Variants in AVEN observed in about 807,000 individuals in gnomAD.
AVEN encodes apoptosis and caspase activation inhibitor, also known as cell death regulator Aven.
Under a neutral mutation model 38.1 loss-of-function variants are expected in AVEN, and 41 were observed. The ratio of observed to expected loss-of-function variants is 1.08; its 90% CI spans 0.84 to 1.40. The LOEUF (loss-of-function observed/expected upper bound fraction) is 1.40. AVEN is among the 40% of genes most tolerant of loss of function. The pLI is 0.00. For missense variants in AVEN, 605 were observed against 438.8 expected (o/e 1.38, Z -3.38); for synonymous variants, 206 against 171.8 (o/e 1.20, Z -1.56).
chr15:34,063,042 C>G lies in AVEN; in HGVS notation n.1517G>C, dbSNP rs1227060620. 1 of 1,614,254 alleles carries G rather than the reference C, an allele frequency of 6.2e-7. No homozygotes were observed. ...TCTGGCTTGTGACCTTTGGCTTGCA[C>G]TGGACTACGTGGCCAGCAACGCTTC... On this transcript the variant is annotated non_coding_transcript_exon_variant, in exon 5 of 12. Coordinates refer to the AVEN transcript ENST00000675287. This position sits in a 1 kb window ranked among gnomAD's most constrained non-coding sequence, Gnocchi z 4.1.
the AVEN span, chr15:33,852,972 A>AGAT: frequency 7.5e-7 from 1 of 1,328,808 alleles, no homozygotes; most frequent in Non-Finnish European, 1.1e-6. Flanking sequence ...AGGCACTCAA[A>AGAT]CTGAAACGTT....
chr15:34,073,420 C>A (rs1412659118), intron 1 of AVEN, among the ~76,000 whole-genome samples: 1 of 146,198 alleles, frequency 6.8e-6, no homozygotes, highest in Non-Finnish European at 1.5e-5. Context: ...ATGCTCATAT[C>A]TTGCAGAAAA....
downstream of AVEN, among the ~76,000 whole-genome samples, chr15:33,855,204 C>CTTTT (rs201635608): frequency 2.7e-5 from 4 of 147,478 alleles, no homozygotes; most frequent in Non-Finnish European, 3.0e-5. Flanking sequence ...CCTTGGAGAT[C>CTTTT]TTTTTTTTTT....
chr15:34,068,339 G>T (rs1900558906), intron 2 of AVEN, among the ~76,000 whole-genome samples: 1 of 151,412 alleles, frequency 6.6e-6, no homozygotes, highest in African/African-American at 2.4e-5. Context: ...CCAAGTAGCT[G>T]GGATTACAGA....
In AVEN at chr15:33,890,969, C is replaced by T. The variant is rs571547299; in HGVS notation, c.446-14974G>A. On this transcript the variant is annotated intron_variant, in intron 2 of 5. Transcript: ENST00000306730. ...CCAAAAATTTAAAGAATTAGCGGAGCGTGGTGGTGCACATGTGTAGTCCCA... is the reference window on the plus strand; with the variant it reads ...CCAAAAATTTAAAGAATTAGCGGAGTGTGGTGGTGCACATGTGTAGTCCCA... Among the ~76,000 whole-genome samples, 8 of 152,066 alleles carry T rather than the reference C, an allele frequency of 5.3e-5. No individual in the cohort carries two copies. The East Asian group carries it at 1.4e-3, about 26-fold the overall frequency.
the AVEN span, among the ~76,000 whole-genome samples, chr15:33,853,345 ATATCAG>A: frequency 6.6e-6 from 1 of 152,198 alleles, no homozygotes; most frequent in Non-Finnish European, 1.5e-5. Context: ...GCAAATCAAG[ATATCAG>A]TATCAGCTTA....
the AVEN span, chr15:33,853,012 T>C: frequency 1.3e-6 from 2 of 1,587,164 alleles, no homozygotes; most frequent in South Asian, 1.1e-5. Flanking sequence ...ATGTTAAGAA[T>C]GAAGAACCAA....
intron 2 of AVEN, among the ~76,000 whole-genome samples, chr15:33,912,686 T>A (rs1185050390): frequency 6.6e-6 from 1 of 152,210 alleles, no homozygotes; most frequent in East Asian, 1.9e-4. Context: ...CTTTCACTGC[T>A]AATTGAACAA....
intron 2 of AVEN, among the ~76,000 whole-genome samples, chr15:33,920,913 C>CCACAGGCG (rs1333395969): frequency 6.6e-6 from 1 of 152,012 alleles, no homozygotes; most frequent in African/African-American, 2.4e-5. Context: ...GCAGCTGGGA[C>CCACAGGCG]CACAGGCGCA....
chr15:33,855,949 C>G (rs969352723), downstream of AVEN: 2 of 152,154 alleles, frequency 1.3e-5, no homozygotes, highest in African/African-American at 4.8e-5. Context: ...CAGGCTTCCT[C>G]ACATGTCCAA....
intron 2 of AVEN, among the ~76,000 whole-genome samples, chr15:33,901,344 A>T (rs577721353): frequency 6.6e-6 from 1 of 152,222 alleles, no homozygotes; most frequent in East Asian, 1.9e-4. Flanking sequence ...CACACACTAG[A>T]AGTCCACATA....
At chr15:33,939,596 T>C (rs1029056779) in intron 2 of AVEN, among the ~76,000 whole-genome samples, 7 of 152,232 alleles carry the variant, frequency 4.6e-5, no homozygotes, top group African/African-American at 1.7e-4. Context: ...ATCTAAACCC[T>C]GCTTTCAAAA....
intron 2 of AVEN, among the ~76,000 whole-genome samples, chr15:34,000,397 A>G (rs535869220): frequency 3.9e-4 from 59 of 152,322 alleles, no homozygotes; most frequent in African/African-American, 1.2e-3. Flanking sequence ...ATACCATTCA[A>G]TCAACTGGTC....
intron 2 of AVEN, among the ~76,000 whole-genome samples, chr15:33,942,774 G>C (rs1894367409): frequency 6.6e-6 from 1 of 152,006 alleles, no homozygotes; most frequent in Non-Finnish European, 1.5e-5. Context: ...CTCTATATAT[G>C]TGCATGAATT....
intron 2 of AVEN, among the ~76,000 whole-genome samples, chr15:33,886,529 T>A (rs550824648): frequency 4.8e-4 from 73 of 152,260 alleles, no homozygotes; most frequent in African/African-American, 1.6e-3. Flanking sequence ...GGTCTCGATC[T>A]CCTAACCTCG....
At position 33,904,710 on chromosome 15, in the gene AVEN, T is replaced by TACACACACACACAC. The variant is rs1369829949; in HGVS notation, c.446-28716_446-28715insGTGTGTGTGTGTGT. Among the ~76,000 whole-genome samples the TACACACACACACAC allele has an allele frequency of 1.8e-3, 224 of 121,146 alleles. 1 individual carries two copies. Among genetic ancestry groups the TACACACACACACAC allele is most frequent in the African/African-American group, 3.1e-3 (90 of 29,216 alleles). The allele number at this position is 121,146 out of a possible 152,430, so 79.5% of individuals were successfully genotyped here. On this transcript the variant is annotated intron_variant, in intron 2 of 5. Coordinates refer to ENST00000306730, the MANE Select transcript of AVEN (RefSeq NM_020371.3). ...AAAAAAAAAAATATATATATATATA[T>TACACACACACACAC]ATATATACACACACACACGAATATG...
chr15:33,986,292 G>A (rs970439313), intron 2 of AVEN, among the ~76,000 whole-genome samples: 1 of 151,770 alleles, frequency 6.6e-6, no homozygotes, highest in Non-Finnish European at 1.5e-5. Flanking sequence ...TGTATTTTTA[G>A]TAGAAACGGG....
At chr15:33,936,217 T>C (rs974348003) in intron 2 of AVEN, among the ~76,000 whole-genome samples, 10 of 150,610 alleles carry the variant, frequency 6.6e-5, no homozygotes, top group African/African-American at 2.4e-4. Context: ...AGATCAGTAG[T>C]AGAAAGGGAG....
intron 1 of AVEN, among the ~76,000 whole-genome samples, chr15:34,073,983 C>CTTTTTTTTT (rs1567498505): frequency 4.8e-4 from 10 of 20,814 alleles, no homozygotes; most frequent in African/African-American, 1.1e-3. Flanking sequence ...CTTTTTTCTT[C>CTTTTTTTTT]TTCTTCTTTT....
Sources: allele counts gnomAD v4.1 joint callset (sites outside exome capture counted in the v4.1 genomes callset), GRCh38; gene constraint gnomAD v4.1.1; non-coding constraint Gnocchi (gnomAD v3.1); transcripts MANE v1.5; gene names NCBI Gene and HGNC (gene_info 2026-07-23, HGNC 2026-07-21).